The following BICC1 variants were observed in gnomAD, a reference collection of about 807,000 sequenced individuals.
BICC1 encodes protein bicaudal C homolog 1.
Under a neutral mutation model 111.0 loss-of-function variants are expected in BICC1, and 43 were observed. That is an observed-to-expected ratio of 0.39 (90% CI 0.30 to 0.50). BICC1 has a LOEUF of 0.50. BICC1 is among the 20% of genes least tolerant of loss of function. The pLI is 0.88. For missense variants in BICC1, 1,091 were observed against 1,203.2 expected, an observed-to-expected ratio of 0.91 and a Z score of 1.38; for synonymous variants, 467 against 434.4, an observed-to-expected ratio of 1.07 and a Z score of -0.93.
chr10:58,749,613 A>G (rs192871812), intron 3 of BICC1, among the ~76,000 whole-genome samples: 1 of 152,262 alleles, frequency 6.6e-6, no homozygotes, highest in East Asian at 1.9e-4. Context: ...CTGTAATGTT[A>G]TTAAAATAGG....
intron 20 of BICC1, among the ~76,000 whole-genome samples, chr10:58,824,911 G>A (rs2132988731): frequency 6.6e-6 from 1 of 152,224 alleles, no homozygotes; most frequent in South Asian, 2.1e-4. Flanking sequence ...TGAGGTGGGG[G>A]CGGAGGTTGA....
chr10:58,647,487 C>T (rs1399890779), intron 2 of BICC1, among the ~76,000 whole-genome samples: 1 of 152,030 alleles, frequency 6.6e-6, no homozygotes, highest in Non-Finnish European at 1.5e-5. Context: ...ATTTTAATAC[C>T]ATAAAATGCT....
chr10:58,763,885 G>A (rs1480243290), intron 3 of BICC1, among the ~76,000 whole-genome samples: 5 of 151,828 alleles, frequency 3.3e-5, no homozygotes, highest in Non-Finnish European at 5.9e-5. Context: ...ACAAGTAGAC[G>A]CCCTAGGCAA....
At chr10:58,537,098 G>T (rs1440965605) in intron 1 of BICC1, among the ~76,000 whole-genome samples, 3 of 151,348 alleles carry the variant, frequency 2.0e-5, no homozygotes, top group Admixed American at 2.0e-4. Context: ...AACAAAAAAA[G>T]CCCAGGGCAT....
intron 2 of BICC1, among the ~76,000 whole-genome samples, chr10:58,691,758 T>C (rs1450908868): frequency 6.6e-6 from 1 of 152,198 alleles, no homozygotes; most frequent in Non-Finnish European, 1.5e-5. Flanking sequence ...GGTTTGCCTC[T>C]CACTCACTGC....
chr10:58,553,573 T>A (rs1032916373), intron 1 of BICC1, among the ~76,000 whole-genome samples: 1 of 152,146 alleles, frequency 6.6e-6, no homozygotes, highest in Admixed American at 6.6e-5. Flanking sequence ...TGTTTTAAGT[T>A]GCTAAGTTTG....
At chr10:58,620,465 A>G (rs966052839) in intron 1 of BICC1, among the ~76,000 whole-genome samples, 1 of 152,216 alleles carries the variant, frequency 6.6e-6, no homozygotes, top group African/African-American at 2.4e-5. Context: ...GAAGTAGGCC[A>G]TATACATGAG....
chr10:58,738,346 A>AT (rs148691633), intron 3 of BICC1, among the ~76,000 whole-genome samples: 150,651 of 151,470 alleles, frequency 0.99, 74,927 homozygotes, highest in Middle Eastern at 1. Flanking sequence ...TAAATAGGGA[A>AT]CCTTTCCCCA....
intron 3 of BICC1, among the ~76,000 whole-genome samples, chr10:58,759,194 A>G (rs1230605187): frequency 6.6e-6 from 1 of 152,026 alleles, no homozygotes; most frequent in African/African-American, 2.4e-5. Context: ...TCCTGACCTC[A>G]GATGATCTGA....
At chr10:58,588,404 A>T (rs1844496924) in intron 1 of BICC1, among the ~76,000 whole-genome samples, 1 of 152,180 alleles carries the variant, frequency 6.6e-6, no homozygotes, top group Admixed American at 6.5e-5. Context: ...GGGTCCTCAT[A>T]TGCATCAGTC....
chr10:58,607,501 TCTC>T (rs1214569609), intron 1 of BICC1, among the ~76,000 whole-genome samples: 2 of 151,446 alleles, frequency 1.3e-5, no homozygotes, highest in Non-Finnish European at 2.9e-5. Flanking sequence ...TTATCCTCCT[TCTC>T]CTCTCTTCTC....
intron 15 of BICC1, among the ~76,000 whole-genome samples, chr10:58,804,206 T>A (rs898988526): frequency 2.0e-5 from 3 of 152,164 alleles, no homozygotes; most frequent in African/African-American, 7.2e-5. Context: ...GCCTTTATAA[T>A]GTGTCAGTGT....
intron 1 of BICC1, 71 bp downstream of exon 1, chr10:58,513,404 G>C: frequency 7.2e-7 from 1 of 1,380,056 alleles, no homozygotes; most frequent in Non-Finnish European, 9.6e-7. Flanking sequence ...CCCACCGCGC[G>C]CTCCGGCGCC....
chr10:58,540,440 A>G (rs2131881626), intron 1 of BICC1, among the ~76,000 whole-genome samples: 1 of 152,136 alleles, frequency 6.6e-6, no homozygotes, highest in Non-Finnish European at 1.5e-5. Flanking sequence ...GAGACATTAC[A>G]ACTGATGCCA....
intron 3 of BICC1, among the ~76,000 whole-genome samples, chr10:58,744,678 A>G: frequency 1.2e-5 from 1 of 84,060 alleles, no homozygotes; most frequent in Non-Finnish European, 3.2e-5. Flanking sequence ...ATGATTTGAC[A>G]TCTTTATCCT....
chr10:58,821,472 A>G (rs922372388), intron 20 of BICC1, among the ~76,000 whole-genome samples: 4 of 152,136 alleles, frequency 2.6e-5, no homozygotes, highest in African/African-American at 9.7e-5. Flanking sequence ...TTTCCATTTT[A>G]TTTTAGCGGC....
chr10:58,534,329 C>A (rs1453694648), intron 1 of BICC1, among the ~76,000 whole-genome samples: 1 of 151,552 alleles, frequency 6.6e-6, no homozygotes, highest in Non-Finnish European at 1.5e-5. Flanking sequence ...GAACTACAGA[C>A]CCTTTGAAAG....
intron 2 of BICC1, among the ~76,000 whole-genome samples, chr10:58,666,048 C>G (rs1241997797): frequency 6.6e-6 from 1 of 152,086 alleles, no homozygotes; most frequent in African/African-American, 2.4e-5. Context: ...AAACTTCAGC[C>G]AAATTAAATT....
chr10:58,682,782 C>G lies in BICC1; in HGVS notation c.238-19292C>G, dbSNP rs192194086. On this transcript the variant is annotated intron_variant, in intron 2 of 20. Transcript: ENST00000373886. ...GTTCTTTGTAGATTCTGGATATTAG[C>G]CCTTTGTCAGATAGGTAGATTGTGA... Among the ~76,000 whole-genome samples, 694 of 152,264 alleles carry G rather than the reference C, an allele frequency of 4.6e-3. 5 individuals are homozygous for G. The highest frequency in any genetic ancestry group is 0.016 in the African/African-American group (657 of 41,534).
Sources: allele counts gnomAD v4.1 joint callset (sites outside exome capture counted in the v4.1 genomes callset), GRCh38; gene constraint gnomAD v4.1.1; transcripts MANE v1.5; gene names NCBI Gene and HGNC (gene_info 2026-07-23, HGNC 2026-07-21).